Variants in PPP2R5E observed in about 807,000 individuals in gnomAD.
PPP2R5E encodes the protein protein phosphatase 2 regulatory subunit B'epsilon.
Under a neutral mutation model 65.3 loss-of-function variants are expected in PPP2R5E, and 4 were observed. That is an observed-to-expected ratio of 0.06 (90% CI 0.03 to 0.14). PPP2R5E has a LOEUF of 0.14. PPP2R5E is among the 10% of genes least tolerant of loss of function. The pLI, the probability that PPP2R5E is intolerant of heterozygous loss-of-function variation, is 1.00. For missense variants in PPP2R5E, 274 were observed against 556.1 expected (o/e 0.49, Z 5.10); for synonymous variants, 183 against 187.4 (o/e 0.98, Z 0.19).
chr14:63,407,006 A>G (rs182684048), intron 5 of PPP2R5E, among the ~76,000 whole-genome samples: 2 of 152,374 alleles, frequency 1.3e-5, no homozygotes, highest in East Asian at 3.9e-4. Flanking sequence ...AAGAATCCTA[A>G]TAAAAATATT....
chr14:63,462,191 T>C (rs1889517428), intron 2 of PPP2R5E, among the ~76,000 whole-genome samples: 1 of 151,974 alleles, frequency 6.6e-6, no homozygotes, highest in Non-Finnish European at 1.5e-5. Context: ...CTGCTTCAGC[T>C]TCCCGAGTAG....
In PPP2R5E at chr14:63,432,038, T is replaced by C. The variant is rs551995702; in HGVS notation, c.355-9944A>G. Among the ~76,000 whole-genome samples the C allele has an allele frequency of 7.0e-4, 86 of 122,970 alleles. No homozygotes were observed. In the East Asian group the frequency reaches 0.017, roughly 25 times the overall value. The allele number at this position is 122,970 out of a possible 152,430, so 80.7% of individuals were successfully genotyped here. A position where few individuals can be genotyped will look rare whatever the true frequency, so the allele number is the denominator to read the frequency against. ...AACAGGCAATTGAAGAAAGGGAATA[T>C]CAAAAAAAAAAAAAAGCTTAAAACT... is the stretch of plus-strand genomic sequence containing the variant. On this transcript the variant is annotated intron_variant, in intron 3 of 13. Transcript: ENST00000337537.
chr14:63,506,607 C>T (rs1185194569), intron 2 of PPP2R5E, among the ~76,000 whole-genome samples: 2 of 152,040 alleles, frequency 1.3e-5, no homozygotes, highest in Admixed American at 6.6e-5. Flanking sequence ...GCAAATCACA[C>T]CCAATAAGAT....
intron 2 of PPP2R5E, among the ~76,000 whole-genome samples, chr14:63,474,979 G>T (rs775869587): frequency 4.6e-5 from 7 of 152,210 alleles, no homozygotes; most frequent in Non-Finnish European, 1.0e-4. Flanking sequence ...AGAAGCCAAA[G>T]AAGAGTATGT....
intron 2 of PPP2R5E, among the ~76,000 whole-genome samples, chr14:63,536,435 G>A (rs1893669309): frequency 6.6e-6 from 1 of 152,110 alleles, no homozygotes; most frequent in Non-Finnish European, 1.5e-5. Context: ...ATTGCTAATG[G>A]GAATGAAAAA....
At chr14:63,463,026 T>C (rs1440962141) in intron 2 of PPP2R5E, among the ~76,000 whole-genome samples, 1 of 139,466 alleles carries the variant, frequency 7.2e-6, no homozygotes, top group Admixed American at 7.5e-5. Flanking sequence ...CGCTGGAACC[T>C]GGGAGGCGGA....
chr14:63,457,818 T>TC (rs35737068), intron 2 of PPP2R5E, among the ~76,000 whole-genome samples: 5,904 of 152,256 alleles, frequency 0.039, 368 homozygotes, highest in African/African-American at 0.13. Context: ...CTTGGTAAGA[T>TC]CCCATAAGGT....
chr14:63,520,441 C>G (rs1391543220), intron 2 of PPP2R5E, among the ~76,000 whole-genome samples: 1 of 152,166 alleles, frequency 6.6e-6, no homozygotes, highest in African/African-American at 2.4e-5. Context: ...AAAGCACTTG[C>G]CATTGTTGGA....
chr14:63,385,602 A>G (rs916719838), intron 11 of PPP2R5E, among the ~76,000 whole-genome samples: 5 of 152,122 alleles, frequency 3.3e-5, no homozygotes, highest in African/African-American at 7.2e-5. Context: ...AGAGCGGCCA[A>G]TATTTACTAA....
Position 63,539,666 on chromosome 14 carries a change from G to C in PPP2R5E, c.20C>G (p.Thr7Ser). Reference sequence around the variant, plus strand: ...GTCTACTTTATCCACTGATGGAGGAGTAGTTGGTGCTGAGGACATATCCCT... The same window carrying C: ...GTCTACTTTATCCACTGATGGAGGACTAGTTGGTGCTGAGGACATATCCCT... MSSAPT[T>S]PPSVDKVDGF... Residue 7 changes from threonine to serine, a missense_variant, in exon 2 of 14, where the codon ACT becomes AGT. This residue lies in a region of PPP2R5E where 58 missense variants were observed against 64.8 expected (regional missense o/e 0.90). Coordinates refer to ENST00000337537, the MANE Select transcript of PPP2R5E (RefSeq NM_006246.5). 6.2e-7 allele frequency: 1 copy of C among 1,613,876 alleles called. No homozygotes were observed.
chr14:63,382,184 T>A, intron 12 of PPP2R5E, 27 bp from the exon 13 acceptor site: 1 of 1,567,864 alleles, frequency 6.4e-7, no homozygotes, highest in Non-Finnish European at 8.8e-7. Context: ...AAAAGGAGTG[T>A]GTTAGTTAGT....
At chr14:63,458,616 TA>T (rs1462252818) in intron 2 of PPP2R5E, among the ~76,000 whole-genome samples, 1 of 152,150 alleles carries the variant, frequency 6.6e-6, no homozygotes, top group Non-Finnish European at 1.5e-5. Context: ...AAATTGCTTT[TA>T]AAAAATAAGT....
chr14:63,505,489 C>CCGCT (rs1892116457), intron 2 of PPP2R5E, among the ~76,000 whole-genome samples: 1 of 152,196 alleles, frequency 6.6e-6, no homozygotes, highest in Non-Finnish European at 1.5e-5. Context: ...GAACACTTCG[C>CCGCT]CATTCACTCT....
At chr14:63,473,198 G>T (rs1299124537) in intron 2 of PPP2R5E, among the ~76,000 whole-genome samples, 1 of 152,206 alleles carries the variant, frequency 6.6e-6, no homozygotes, top group East Asian at 1.9e-4. Context: ...GGAAGTTCAT[G>T]AACTGTAGTG....
intron 2 of PPP2R5E, among the ~76,000 whole-genome samples, chr14:63,477,573 G>A (rs369628094): frequency 7.9e-5 from 12 of 151,506 alleles, no homozygotes; most frequent in African/African-American, 2.7e-4. Flanking sequence ...GAGGAGAAGA[G>A]GGAATAAGAA....
At chr14:63,500,616 G>A (rs150191985) in intron 2 of PPP2R5E, among the ~76,000 whole-genome samples, 1 of 152,274 alleles carries the variant, frequency 6.6e-6, no homozygotes, top group African/African-American at 2.4e-5. Context: ...GGCTTTGGGA[G>A]GCCACGGCAA....
chr14:63,397,277 G>A (rs1214722617), intron 5 of PPP2R5E, among the ~76,000 whole-genome samples: 5 of 152,096 alleles, frequency 3.3e-5, no homozygotes, highest in Admixed American at 6.5e-5. Flanking sequence ...CAAGGCAGGC[G>A]CATCACCTGA....
At chr14:63,386,328 C>G (rs903018442) in intron 11 of PPP2R5E, among the ~76,000 whole-genome samples, 2 of 152,230 alleles carry the variant, frequency 1.3e-5, no homozygotes, top group Non-Finnish European at 2.9e-5. Flanking sequence ...TCACAACCAA[C>G]AGAGTTGGTA....
intron 1 of PPP2R5E, 113 bp from the exon 2 acceptor site, chr14:63,539,805 G>A (rs1893815365): frequency 1.8e-6 from 2 of 1,132,816 alleles, no homozygotes; most frequent in Non-Finnish European, 2.5e-6. Context: ...GGGAATATGT[G>A]CTAAAGAAAA....
Sources: gnomAD v4.1 joint callset for allele counts (sites outside exome capture counted in the v4.1 genomes callset) on GRCh38, gnomAD v4.1.1 for gene constraint, gnomAD v4.1.1 regional missense constraint, MANE v1.5 for transcripts, NCBI Gene and HGNC (gene_info 2026-07-23, HGNC 2026-07-21) for gene names.